Variants in ATOSB observed in about 807,000 individuals in gnomAD.
ATOSB encodes atos homolog protein B.
chr9:35,106,752 C>T, the ATOSB span: 11 of 1,507,068 alleles, frequency 7.3e-6, no homozygotes, highest in Non-Finnish European at 9.9e-6. This position sits in a 1 kb window ranked among gnomAD's most constrained non-coding sequence, Gnocchi z 4.6. Context: ...GCCCTGGGGT[C>T]CCCTACTCGG....
At chr9:35,105,787 G>C in the ATOSB span, 1 of 1,614,158 alleles carries the variant, frequency 6.2e-7, no homozygotes, top group Non-Finnish European at 8.5e-7. The surrounding 1 kb of genome is among the most constrained non-coding windows in gnomAD (Gnocchi z 5.5). Flanking sequence ...CATGTGGGCA[G>C]CAGGCATGTC....
chr9:35,106,769 G>A, the ATOSB span: 7 of 1,533,106 alleles, frequency 4.6e-6, no homozygotes, highest in African/African-American at 4.1e-5. This position sits in a 1 kb window ranked among gnomAD's most constrained non-coding sequence, Gnocchi z 4.6. Context: ...TCGGATGCTG[G>A]AAAGAGTACA....
the ATOSB span, among the ~76,000 whole-genome samples, chr9:35,107,178 C>T: frequency 1.3e-5 from 2 of 151,876 alleles, no homozygotes; most frequent in Non-Finnish European, 2.9e-5. Flanking sequence ...CAAAAATTAG[C>T]TGGGTGCAAT....
the ATOSB span, chr9:35,105,201 T>C: frequency 1.9e-6 from 3 of 1,599,098 alleles, no homozygotes; most frequent in Non-Finnish European, 2.6e-6. The surrounding 1 kb of genome is among the most constrained non-coding windows in gnomAD (Gnocchi z 5.5). Flanking sequence ...TTAGCCCGCA[T>C]GGGTTCAGAG....
At chr9:35,107,372 T>C in the ATOSB span, 1 of 1,609,348 alleles carries the variant, frequency 6.2e-7, no homozygotes, top group Non-Finnish European at 8.5e-7. Flanking sequence ...AGGTCCTTTA[T>C]TGGCTTACCA....
chr9:35,109,806 C>G, the ATOSB span: 2 of 152,398 alleles, frequency 1.3e-5, no homozygotes, highest in Admixed American at 6.5e-5. Context: ...AACAGTTCTG[C>G]TCACTCCTGT....
chr9:35,115,123 C>T, the ATOSB span, among the ~76,000 whole-genome samples: 14 of 152,044 alleles, frequency 9.2e-5, no homozygotes, highest in African/African-American at 2.7e-4. Flanking sequence ...AGGAACCCAG[C>T]GGGGGAAGGG....
the ATOSB span, chr9:35,107,768 C>A: frequency 0.36 from 564,510 of 1,560,348 alleles, 110,964 homozygotes; most frequent in Admixed American, 0.43. Flanking sequence ...CCCCCAGGGA[C>A]CCCTGTCCCC....
At chr9:35,106,022 G>A in the ATOSB span, 1 of 1,611,328 alleles carries the variant, frequency 6.2e-7, no homozygotes, top group African/African-American at 1.3e-5. This position sits in a 1 kb window ranked among gnomAD's most constrained non-coding sequence, Gnocchi z 4.6. Context: ...GGAAGGCCAG[G>A]GAGCCATCAG....
chr9:35,114,607 T>C, the ATOSB span, among the ~76,000 whole-genome samples: 7 of 152,208 alleles, frequency 4.6e-5, no homozygotes, highest in Non-Finnish European at 1.0e-4. Context: ...CCTGTTCTGA[T>C]AGTGCTTCCA....
chr9:35,105,462 T>C, the ATOSB span: 1 of 1,473,600 alleles, frequency 6.8e-7, no homozygotes, highest in Non-Finnish European at 9.2e-7. The surrounding 1 kb of genome is among the most constrained non-coding windows in gnomAD (Gnocchi z 5.5). Context: ...GAGACCCAGG[T>C]GGGAGGACTG....
chr9:35,108,337 G>A, the ATOSB span: 1 of 1,470,092 alleles, frequency 6.8e-7, no homozygotes, highest in South Asian at 1.3e-5. Context: ...TGGGCTGGGG[G>A]GCCTGGGGAC....
At chr9:35,105,026 C>T in the ATOSB span, 1 of 532,408 alleles carries the variant, frequency 1.9e-6, no homozygotes. This position sits in a 1 kb window ranked among gnomAD's most constrained non-coding sequence, Gnocchi z 5.5. Context: ...GGGACAGGCA[C>T]ATGGAGTACC....
the ATOSB span, chr9:35,107,859 C>A: frequency 6.3e-7 from 1 of 1,598,680 alleles, no homozygotes; most frequent in Admixed American, 1.7e-5. Flanking sequence ...ACTCCAGGCC[C>A]CCGAAGTCCA....
chr9:35,105,131 A>G, the ATOSB span: 2 of 1,392,486 alleles, frequency 1.4e-6, no homozygotes, highest in Admixed American at 2.5e-5. This position sits in a 1 kb window ranked among gnomAD's most constrained non-coding sequence, Gnocchi z 5.5. Flanking sequence ...TTCAAGCCTG[A>G]AGGGTCTCTT....
the ATOSB span, chr9:35,109,776 C>T: frequency 2.6e-5 from 4 of 152,346 alleles, no homozygotes; most frequent in Admixed American, 1.3e-4. Flanking sequence ...GGCAGTGTTA[C>T]TACTTCCTGT....
At chr9:35,113,120 C>T in the ATOSB span, among the ~76,000 whole-genome samples, 1 of 152,182 alleles carries the variant, frequency 6.6e-6, no homozygotes, top group Admixed American at 6.5e-5. Context: ...TAAGAGCCTA[C>T]TTGCCTTAAT....
chr9:35,105,653 C>T, the ATOSB span: 1 of 1,606,478 alleles, frequency 6.2e-7, no homozygotes, highest in Admixed American at 1.7e-5. The surrounding 1 kb of genome is among the most constrained non-coding windows in gnomAD (Gnocchi z 5.5). Context: ...ACCTGGGCCT[C>T]CCCAGCCATC....
At chr9:35,108,252 G>A in the ATOSB span, 21 of 1,561,320 alleles carry the variant, frequency 1.3e-5, no homozygotes, top group African/African-American at 1.2e-4. Context: ...GGATGGAGAC[G>A]GCTCCGCCTG....
Sources: gnomAD v4.1 joint callset for allele counts (sites outside exome capture counted in the v4.1 genomes callset) on GRCh38, gnomAD v4.1.1 for gene constraint, Gnocchi (gnomAD v3.1) non-coding constraint, MANE v1.5 for transcripts, NCBI Gene and HGNC (gene_info 2026-07-23, HGNC 2026-07-21) for gene names.